Variants in EML4 observed in about 807,000 individuals in gnomAD.
EML4 encodes EMAP like 4.
In EML4, 72 loss-of-function variants were observed where a neutral mutation model predicts 129.0. The observed-to-expected ratio is 0.56, with a 90% CI of 0.46 to 0.68. EML4 has a LOEUF of 0.68. Among genes scored for constraint, EML4 ranks in the 30% least tolerant of loss-of-function variants. The pLI, the probability that EML4 is intolerant of heterozygous loss-of-function variation, is 0.00. For synonymous variants in EML4, 532 were observed against 405.0 expected, an observed-to-expected ratio of 1.31 and a Z score of -3.77; for missense variants, 1,363 against 1,190.6, an observed-to-expected ratio of 1.14 and a Z score of -2.13.
intron 18 of EML4, among the ~76,000 whole-genome samples, chr2:42,316,814 A>G (rs1669268698): frequency 6.6e-6 from 1 of 152,206 alleles, no homozygotes; most frequent in African/African-American, 2.4e-5. Flanking sequence ...AAATTGAACA[A>G]GGAAGGAAAA....
At chr2:42,175,392 C>T (rs1670542873) in intron 1 of EML4, among the ~76,000 whole-genome samples, 12 of 148,956 alleles carry the variant, frequency 8.1e-5, no homozygotes, top group Admixed American at 8.0e-4. Context: ...GCATTACAGA[C>T]GTGAGCCACC....
chr2:42,277,331 A>G (rs1274100795), intron 6 of EML4, among the ~76,000 whole-genome samples: 6 of 152,208 alleles, frequency 3.9e-5, no homozygotes, highest in African/African-American at 1.4e-4. Context: ...GATCAGGATG[A>G]CTGCAGAAGT....
intron 1 of EML4, among the ~76,000 whole-genome samples, chr2:42,216,332 G>T (rs901587704): frequency 2.3e-5 from 3 of 131,936 alleles, no homozygotes; most frequent in African/African-American, 8.7e-5. Flanking sequence ...AACCTCTGCT[G>T]CCCGGGTTCA....
At chr2:42,255,334 C>G (rs1035861753) in intron 2 of EML4, among the ~76,000 whole-genome samples, 2 of 152,156 alleles carry the variant, frequency 1.3e-5, no homozygotes, top group Non-Finnish European at 2.9e-5. Flanking sequence ...ATCCGCCCAC[C>G]TCAGCCTCCC....
chr2:42,187,076 C>T (rs1004482025), intron 1 of EML4, among the ~76,000 whole-genome samples: 10 of 151,178 alleles, frequency 6.6e-5, no homozygotes, highest in African/African-American at 2.4e-4. Flanking sequence ...CAGGGTCTTG[C>T]TCTGTTGCCC....
chr2:42,217,677 T>A (rs1673283613), intron 1 of EML4, among the ~76,000 whole-genome samples: 1 of 152,226 alleles, frequency 6.6e-6, no homozygotes, highest in Non-Finnish European at 1.5e-5. Flanking sequence ...TGTTTGTGTG[T>A]CCACATATTC....
At chr2:42,192,767 AAATGAAGCAGTTG>A (rs1671676463) in intron 1 of EML4, among the ~76,000 whole-genome samples, 1 of 152,172 alleles carries the variant, frequency 6.6e-6, no homozygotes, top group Non-Finnish European at 1.5e-5. Flanking sequence ...AAACAGTGAT[AAATGAAGCAGTTG>A]CTCTTCTCTG....
At position 42,217,828 on chromosome 2, in the gene EML4, C is replaced by G. The variant is rs568897996; in HGVS notation, c.26-27677C>G. ...CTAGCAAAAATGGTCTGAATTTGAT[C>G]TCCTTTTAAATATGTAGATTTACTT... On this transcript the variant is annotated intron_variant, in intron 1 of 22. Transcript: ENST00000318522. 3.3e-5 allele frequency among the ~76,000 whole-genome samples: 5 copies of G among 152,282 alleles called. No individual in the cohort carries two copies. The South Asian group carries it at 1.0e-3, about 32-fold the overall frequency.
At chr2:42,192,036 G>C (rs1326638885) in intron 1 of EML4, among the ~76,000 whole-genome samples, 2 of 151,864 alleles carry the variant, frequency 1.3e-5, no homozygotes, top group Non-Finnish European at 2.9e-5. Flanking sequence ...CTACTCGGGA[G>C]GCTGAGGCAG....
At chr2:42,237,774 A>T (rs909425713) in intron 1 of EML4, among the ~76,000 whole-genome samples, 1 of 152,248 alleles carries the variant, frequency 6.6e-6, no homozygotes, top group Non-Finnish European at 1.5e-5. Context: ...TTCATTTACT[A>T]TTCATTAAAT....
intron 17 of EML4, among the ~76,000 whole-genome samples, chr2:42,305,264 A>G (rs1172045853): frequency 6.6e-6 from 1 of 152,232 alleles, no homozygotes. Context: ...AATAAACATT[A>G]TCACGAATTA....
intron 8 of EML4, among the ~76,000 whole-genome samples, chr2:42,283,173 A>G (rs1423932720): frequency 6.6e-6 from 1 of 152,184 alleles, no homozygotes; most frequent in Admixed American, 6.5e-5. Context: ...GCAGCAACAA[A>G]ACACATCCTC....
intron 1 of EML4, 65 bp from the exon 2 acceptor site, chr2:42,245,440 C>G (rs553935638): frequency 1.4e-6 from 2 of 1,429,784 alleles, no homozygotes; most frequent in Non-Finnish European, 1.9e-6. Flanking sequence ...GATGGTTTTT[C>G]TAATCAGAAA....
intron 17 of EML4, among the ~76,000 whole-genome samples, chr2:42,308,179 A>G (rs948454390): frequency 2.6e-5 from 4 of 152,252 alleles, no homozygotes; most frequent in Non-Finnish European, 5.9e-5. Context: ...AATTAAACAT[A>G]TAACCTTAAG....
chr2:42,277,022 C>G (rs945022118), intron 6 of EML4, among the ~76,000 whole-genome samples: 2 of 152,118 alleles, frequency 1.3e-5, no homozygotes, highest in Non-Finnish European at 2.9e-5. Context: ...ATATGGTGTT[C>G]TGAGCTGTGC....
intron 6 of EML4, among the ~76,000 whole-genome samples, chr2:42,265,540 C>T (rs941320677): frequency 1.1e-4 from 16 of 152,060 alleles, no homozygotes; most frequent in African/African-American, 2.4e-4. Context: ...ACACTTGGCC[C>T]GGCTGCATTT....
At chr2:42,188,630 C>G (rs1314722314) in intron 1 of EML4, among the ~76,000 whole-genome samples, 2 of 152,006 alleles carry the variant, frequency 1.3e-5, no homozygotes, top group East Asian at 3.9e-4. Context: ...ACTGCAGCCT[C>G]TGCCTCCTGT....
At chr2:42,260,047 A>G (rs1423619564) in intron 3 of EML4, among the ~76,000 whole-genome samples, 2 of 149,528 alleles carry the variant, frequency 1.3e-5, no homozygotes, top group Admixed American at 6.7e-5. Flanking sequence ...TTTTTTTTTA[A>G]AGAGACAGAG....
intron 16 of EML4, among the ~76,000 whole-genome samples, chr2:42,304,183 G>A (rs1668463443): frequency 6.6e-6 from 1 of 152,178 alleles, no homozygotes; most frequent in South Asian, 2.1e-4. Flanking sequence ...CCCAAGAGGT[G>A]TATATAAGTT....
Sources: gnomAD v4.1 joint callset for allele counts (sites outside exome capture counted in the v4.1 genomes callset) on GRCh38, gnomAD v4.1.1 for gene constraint, MANE v1.5 for transcripts, NCBI Gene and HGNC (gene_info 2026-07-23, HGNC 2026-07-21) for gene names.